ZFAND6: variants seen among roughly 807,000 people sequenced by gnomAD.
The protein encoded by ZFAND6 is zinc finger AN1-type containing 6.
ZFAND6 carries 12 observed loss-of-function variants against 24.5 expected under a neutral mutation model. That is an observed-to-expected ratio of 0.49 (90% CI 0.31 to 0.79). The LOEUF is 0.79. Among genes scored for constraint, ZFAND6 ranks in the 30% least tolerant of loss-of-function variants. ZFAND6 has a pLI of 0.04. For synonymous variants in ZFAND6, 92 were observed against 81.5 expected (o/e 1.13, Z -0.69); for missense variants, 207 against 245.9 (o/e 0.84, Z 1.06).
At chr15:80,116,447 T>TC (rs2039879990) in intron 2 of ZFAND6, among the ~76,000 whole-genome samples, 1 of 152,202 alleles carries the variant, frequency 6.6e-6, no homozygotes, top group Non-Finnish European at 1.5e-5. Context: ...CACTTTCCTC[T>TC]CCCCCACACT....
intron 2 of ZFAND6, among the ~76,000 whole-genome samples, chr15:80,106,232 G>C (rs1214107630): frequency 6.6e-6 from 1 of 152,176 alleles, no homozygotes; most frequent in Non-Finnish European, 1.5e-5. Flanking sequence ...AACCAAAATA[G>C]TTGTGAAATC....
chr15:80,096,313 A>G (rs2038718576), intron 1 of ZFAND6, among the ~76,000 whole-genome samples: 1 of 152,344 alleles, frequency 6.6e-6, no homozygotes, highest in South Asian at 2.1e-4. Context: ...AGATTGGTAC[A>G]GTTTATGTTT....
chr15:80,121,781 A>T lies in ZFAND6; in HGVS notation c.224A>T (p.Gln75Leu), dbSNP rs761741216. ...QCTDGSVPEA[Q>L]SALDSTSSSM... ...ACAGATGGCAGTGTGCCAGAAGCCC[A>T]GTCAGCATTAGACTCTACATCTTCA... The change falls in exon 4 of 7, where the codon CAG (glutamine) becomes CTG (leucine). Residue 75 changes from glutamine (Q) to leucine (L), a missense_variant. By Grantham distance (113) the Gln-to-Leu change is moderately radical. Around this residue, in one of 3 missense-constraint regions of ZFAND6, gnomAD observed 133 missense variants for 122.8 expected, o/e 1.08. Coordinates refer to ENST00000261749, the MANE Select transcript of ZFAND6 (RefSeq NM_019006.4). The T allele has an allele frequency of 9.3e-6, 15 of 1,613,740 alleles. No homozygotes were observed. Among genetic ancestry groups the T allele is most frequent in the Non-Finnish European group, 9.3e-6 (11 of 1,179,824 alleles).
At chr15:80,123,380 C>T (rs1277051948) in intron 5 of ZFAND6, among the ~76,000 whole-genome samples, 1 of 152,044 alleles carries the variant, frequency 6.6e-6, no homozygotes, top group Non-Finnish European at 1.5e-5. Context: ...AGAGAGAATG[C>T]GGAGTAGGCC....
intron 1 of ZFAND6, among the ~76,000 whole-genome samples, chr15:80,071,879 CAT>C (rs1174340798): frequency 3.9e-5 from 6 of 152,132 alleles, no homozygotes; most frequent in East Asian, 1.9e-4. Flanking sequence ...AAAATACTCA[CAT>C]GTCAGATCTG....
intron 1 of ZFAND6, among the ~76,000 whole-genome samples, chr15:80,061,555 G>T (rs1265663740): frequency 6.6e-6 from 1 of 152,088 alleles, no homozygotes; most frequent in African/African-American, 2.4e-5. Context: ...TTGAAAAATA[G>T]TTTTATCATA....
chr15:80,115,110 T>C (rs531571192), intron 2 of ZFAND6: 1 of 152,274 alleles, frequency 6.6e-6, no homozygotes, highest in East Asian at 1.9e-4. Context: ...TTTTTTTTGT[T>C]TTTAAAATAG....
chr15:80,079,251 C>T (rs934589314), intron 1 of ZFAND6, among the ~76,000 whole-genome samples: 3 of 151,974 alleles, frequency 2.0e-5, no homozygotes, highest in South Asian at 2.1e-4. Flanking sequence ...GACGGAGTCT[C>T]GCTCTGTCGC....
At chr15:80,126,117 G>T (rs147122895) in intron 5 of ZFAND6, among the ~76,000 whole-genome samples, 7 of 152,296 alleles carry the variant, frequency 4.6e-5, no homozygotes, top group Non-Finnish European at 1.0e-4. Flanking sequence ...AGACCATATA[G>T]AGAGAGGAAT....
intron 1 of ZFAND6, among the ~76,000 whole-genome samples, chr15:80,095,776 T>G (rs958148774): frequency 6.6e-6 from 1 of 152,190 alleles, no homozygotes; most frequent in African/African-American, 2.4e-5. Flanking sequence ...TGAGCCTGCT[T>G]TATTTGTGTC....
chr15:80,081,667 C>T (rs1355000428), intron 1 of ZFAND6, among the ~76,000 whole-genome samples: 3 of 152,218 alleles, frequency 2.0e-5, no homozygotes, highest in Non-Finnish European at 4.4e-5. Context: ...AACTCAGCTA[C>T]TGTGATTGGC....
chr15:80,105,694 G>T (rs2039285788), intron 2 of ZFAND6, among the ~76,000 whole-genome samples: 1 of 152,180 alleles, frequency 6.6e-6, no homozygotes, highest in Admixed American at 6.5e-5. Context: ...CCAACTTGAA[G>T]ATGAGTCAGT....
intron 2 of ZFAND6, 37 bp from the exon 3 acceptor site, chr15:80,120,291 G>C (rs759910229): frequency 7.0e-7 from 1 of 1,426,394 alleles, no homozygotes; most frequent in Admixed American, 2.4e-5. Context: ...TGGAAGTTAC[G>C]TGTCTGAGTT....
chr15:80,105,648 T>A (rs910922342), intron 2 of ZFAND6, among the ~76,000 whole-genome samples: 2 of 152,236 alleles, frequency 1.3e-5, no homozygotes, highest in Admixed American at 6.5e-5. Context: ...TACTTCAGGC[T>A]AAGCACTTAT....
intron 2 of ZFAND6, chr15:80,115,086 T>A (rs2039810700): frequency 6.6e-6 from 1 of 152,166 alleles, no homozygotes; most frequent in Non-Finnish European, 1.5e-5. Context: ...TTACTAAGTC[T>A]TTTTGAGTAT....
chr15:80,121,666 T>C (rs1432228881), intron 3 of ZFAND6, 46 bp from the exon 4 acceptor site: 1 of 1,521,690 alleles, frequency 6.6e-7, no homozygotes, highest in South Asian at 1.1e-5. Context: ...GGTCTTAGAC[T>C]GCTGAGCATA....
chr15:80,099,696 A>T (rs1317250771), intron 2 of ZFAND6, among the ~76,000 whole-genome samples: 6 of 135,978 alleles, frequency 4.4e-5, no homozygotes, highest in Non-Finnish European at 9.1e-5. Flanking sequence ...TGCTCACTGC[A>T]TCCTCTGCCT....
intron 2 of ZFAND6, among the ~76,000 whole-genome samples, chr15:80,099,057 C>T (rs893482265): frequency 6.6e-6 from 1 of 151,982 alleles, no homozygotes; most frequent in Non-Finnish European, 1.5e-5. Context: ...AAAATAACTT[C>T]ATTTAGTCAA....
intron 1 of ZFAND6, among the ~76,000 whole-genome samples, chr15:80,079,789 T>C (rs1448058694): frequency 6.7e-6 from 1 of 150,126 alleles, no homozygotes; most frequent in Non-Finnish European, 1.5e-5. Flanking sequence ...TAGCTGGGAC[T>C]ACAGGCGCCC....
Sources: gnomAD v4.1 joint callset for allele counts (sites outside exome capture counted in the v4.1 genomes callset) on GRCh38, gnomAD v4.1.1 for gene constraint, gnomAD v4.1.1 regional missense constraint, MANE v1.5 for transcripts, NCBI Gene and HGNC (gene_info 2026-07-23, HGNC 2026-07-21) for gene names.